The following CA12 variants were observed in gnomAD, a reference collection of about 807,000 sequenced individuals.
CA12 encodes the protein carbonic anhydrase 12, also known as carbonate dehydratase XII.
A neutral mutation model predicts 46.8 loss-of-function variants in CA12; 36 were observed. That is an observed-to-expected ratio of 0.77 (90% CI 0.59 to 1.02). The LOEUF is 1.02. Among genes scored for constraint, CA12 ranks in the 50% least tolerant of loss-of-function variants. The probability of loss-of-function intolerance (pLI) is 0.00; values close to 1 mark genes in which losing one functional copy is unlikely to be tolerated. For synonymous variants in CA12, 202 were observed against 187.0 expected (o/e 1.08, Z -0.65); for missense variants, 436 against 451.4 (o/e 0.97, Z 0.31).
At chr15:63,358,094 T>C (rs2039315868) in intron 2 of CA12, among the ~76,000 whole-genome samples, 1 of 152,254 alleles carries the variant, frequency 6.6e-6, no homozygotes, top group African/African-American at 2.4e-5. Flanking sequence ...AGGACTGCAT[T>C]TTATTGTAGT....
At chr15:63,376,604 C>T (rs12916459) in intron 1 of CA12, among the ~76,000 whole-genome samples, 453 of 12,970 alleles carry the variant, frequency 0.035, 1 homozygote, top group African/African-American at 0.041. Context: ...CTTTCTTTCT[C>T]TCTCTCTCGC....
At chr15:63,377,646 T>C (rs988735616) in intron 1 of CA12, among the ~76,000 whole-genome samples, 1 of 152,228 alleles carries the variant, frequency 6.6e-6, no homozygotes, top group African/African-American at 2.4e-5. Flanking sequence ...TCTACAAAGC[T>C]GTGTAACAAA....
At chr15:63,343,850 A>G (rs1221274740) in intron 4 of CA12, among the ~76,000 whole-genome samples, 1 of 152,210 alleles carries the variant, frequency 6.6e-6, no homozygotes, top group African/African-American at 2.4e-5. Flanking sequence ...TCACTAAGCC[A>G]AAGAGAAAAG....
chr15:63,371,338 A>G (rs1156529134), intron 2 of CA12, among the ~76,000 whole-genome samples: 15 of 152,242 alleles, frequency 9.9e-5, no homozygotes. Flanking sequence ...GAGAGGAACC[A>G]AGGAGTGCAG....
rs2038892111 is a variant in CA12 at position 63,328,161 on chromosome 15, C to T, written c.875-31G>A. 1.2e-6 allele frequency: 2 copies of T among 1,608,958 alleles called. No individual in the cohort carries two copies. Among genetic ancestry groups the T allele is most frequent in the Non-Finnish European group, 8.5e-7 (1 of 1,175,452 alleles). ...AAGGGGAGAGGAAAAGACGAGGTTA[C>T]TCTAGAGTCAAACCACACTGGATTT... On this transcript the variant is annotated intron_variant, in intron 8 of 10. Transcript: ENST00000178638. This position sits in a 1 kb window ranked among gnomAD's most constrained non-coding sequence, Gnocchi z 5.9.
In CA12 at chr15:63,329,468, T is replaced by C. The variant is rs2038908928; in HGVS notation, c.875-1338A>G. 6.6e-6 allele frequency among the ~76,000 whole-genome samples: 1 copy of C among 152,164 alleles called. No homozygotes were observed. The highest frequency in any genetic ancestry group is 1.5e-5 in the Non-Finnish European group (1 of 68,014). ...AACCCTCAGCCTGTTTTTTCCAAGG[T>C]TCCCACAGCCATTCCCCATTCTCCT... On this transcript the variant is annotated intron_variant, in intron 8 of 10. Transcript: ENST00000178638. The surrounding 1 kb of genome is among the most constrained non-coding windows in gnomAD (Gnocchi z 4.8).
chr15:63,326,237 G>T lies in CA12; in HGVS notation c.*48C>A. ...GTGTCCAGAGAGCCGAAGTGTGTAG[G>T]GTCCAAAGCAAGGTCCTTCCTGGAT... On this transcript the variant is annotated 3_prime_UTR_variant, in exon 11 of 11. Coordinates refer to ENST00000178638, the MANE Select transcript of CA12 (RefSeq NM_001218.5). 1 of 1,413,044 alleles carries T rather than the reference G, an allele frequency of 7.1e-7. No individual in the cohort carries two copies. Among genetic ancestry groups the T allele is most frequent in the Non-Finnish European group, 1.0e-6 (1 of 996,766 alleles). 87.5% of individuals were successfully genotyped at this position (1,413,044 alleles called of 1,614,324 possible).
intron 8 of CA12, 73 bp downstream of exon 8, chr15:63,338,746 G>T (rs2039035461): frequency 1.9e-6 from 3 of 1,590,230 alleles, no homozygotes; most frequent in South Asian, 2.2e-5. Flanking sequence ...TGCCAGAGCT[G>T]CATTCACAGA....
chr15:63,346,001 A>AT (rs763182789), intron 3 of CA12, among the ~76,000 whole-genome samples: 53 of 152,368 alleles, frequency 3.5e-4, no homozygotes, highest in African/African-American at 8.2e-4. Context: ...ACTGCTATTT[A>AT]TGAAGCATTT....
intron 2 of CA12, among the ~76,000 whole-genome samples, chr15:63,366,270 G>A (rs1038253292): frequency 6.6e-6 from 1 of 152,050 alleles, no homozygotes; most frequent in African/African-American, 2.4e-5. Context: ...GAGGTCCTCA[G>A]GAATCTCCAG....
intron 2 of CA12, among the ~76,000 whole-genome samples, chr15:63,364,351 A>AAAC (rs2039411921): frequency 6.6e-6 from 1 of 150,488 alleles, no homozygotes; most frequent in South Asian, 2.1e-4. Context: ...AAAAAAAAAA[A>AAAC]AAAACAGTGG....
At chr15:63,370,451 A>AG (rs1481483485) in intron 2 of CA12, among the ~76,000 whole-genome samples, 1 of 150,108 alleles carries the variant, frequency 6.7e-6, no homozygotes, top group East Asian at 2.0e-4. Flanking sequence ...TCAAAAAAAA[A>AG]AAAAAAAGAA....
intron 2 of CA12, among the ~76,000 whole-genome samples, chr15:63,366,750 G>A (rs2039439246): frequency 1.3e-5 from 2 of 152,156 alleles, no homozygotes; most frequent in South Asian, 4.1e-4. Context: ...TTTAAATCAT[G>A]GTACCCATGT....
chr15:63,351,003 C>T (rs1257109745), intron 2 of CA12, among the ~76,000 whole-genome samples: 1 of 152,118 alleles, frequency 6.6e-6, no homozygotes, highest in Non-Finnish European at 1.5e-5. Context: ...GAATTAATAC[C>T]TTAAGATTAC....
intron 2 of CA12, among the ~76,000 whole-genome samples, chr15:63,360,223 G>A (rs2039344065): frequency 1.3e-5 from 2 of 152,198 alleles, no homozygotes; most frequent in Non-Finnish European, 2.9e-5. Context: ...ATGATATGTG[G>A]ACCAAGTGAC....
In CA12 at chr15:63,327,613, T is replaced by C. The variant is rs901090553; in HGVS notation, c.908-380A>G. The stretch of plus-strand genomic sequence containing the variant: ...TTACAGCTGATACTGATGCACGTGG[T>C]CCAAGAACCACACTTTGATAAGCCC... On this transcript the variant is annotated intron_variant, in intron 9 of 10. Transcript: ENST00000178638. The surrounding 1 kb of genome is among the most constrained non-coding windows in gnomAD (Gnocchi z 4.5). Among the ~76,000 whole-genome samples, 3 of 151,884 alleles carry C rather than the reference T, an allele frequency of 2.0e-5. No individual in the cohort carries two copies. The highest frequency in any genetic ancestry group is 7.3e-5 in the African/African-American group (3 of 41,350).
Position 63,373,238 on chromosome 15 carries a change from C to G in CA12, c.106+2420G>C, listed in dbSNP as rs2039529239. On this transcript the variant is annotated intron_variant, in intron 2 of 10. Coordinates refer to ENST00000178638, the MANE Select transcript of CA12 (RefSeq NM_001218.5). The surrounding 1 kb of genome is among the most constrained non-coding windows in gnomAD (Gnocchi z 4.9). ...AAATTAGCCGGGCGTGATGGCACAC[C>G]CCTGTAATCCCAGCTACTTGGGAGG... Among the ~76,000 whole-genome samples the G allele has an allele frequency of 6.6e-6, 1 of 151,916 alleles. No individual in the cohort carries two copies. The highest frequency in any genetic ancestry group is 2.1e-4 in the South Asian group (1 of 4,804).
At chr15:63,364,346 A>AAAAAAAAAAAAAAAAAC (rs1555431593) in intron 2 of CA12, among the ~76,000 whole-genome samples, 2 of 146,888 alleles carry the variant, frequency 1.4e-5, no homozygotes, top group Non-Finnish European at 3.0e-5. Context: ...AAAAAAAAAA[A>AAAAAAAAAAAAAAAAAC]AAAAAAAAAC....
chr15:63,344,815 T>C (rs1269316519), intron 4 of CA12, among the ~76,000 whole-genome samples: 1 of 152,100 alleles, frequency 6.6e-6, no homozygotes, highest in Non-Finnish European at 1.5e-5. Context: ...CATCCTGCAA[T>C]TGCATAGGAC....
Sources: gnomAD v4.1 joint callset for allele counts (sites outside exome capture counted in the v4.1 genomes callset) on GRCh38, gnomAD v4.1.1 for gene constraint, Gnocchi (gnomAD v3.1) non-coding constraint, MANE v1.5 for transcripts, NCBI Gene and HGNC (gene_info 2026-07-23, HGNC 2026-07-21) for gene names.